RBM19: variants seen among roughly 807,000 people sequenced by gnomAD.
The protein encoded by RBM19 is probable RNA-binding protein 19.
A neutral mutation model predicts 116.8 loss-of-function variants in RBM19; 94 were observed. The ratio of observed to expected loss-of-function variants is 0.80; its 90% CI spans 0.68 to 0.95. RBM19 has a LOEUF of 0.95. RBM19 is among the 40% of genes least tolerant of loss of function. RBM19 has a pLI of 0.00. For missense variants in RBM19, 1,161 were observed against 1,220.7 expected, an observed-to-expected ratio of 0.95 and a Z score of 0.73; for synonymous variants, 475 against 494.1, an observed-to-expected ratio of 0.96 and a Z score of 0.51.
chr12:113,892,983 T>C (rs1217715141), intron 21 of RBM19, among the ~76,000 whole-genome samples: 1 of 152,076 alleles, frequency 6.6e-6, no homozygotes, highest in Non-Finnish European at 1.5e-5. Context: ...TCTATGCATA[T>C]ATGTCTATGC....
intron 23 of RBM19, among the ~76,000 whole-genome samples, chr12:113,842,175 T>C (rs1385077761): frequency 2.6e-5 from 4 of 152,224 alleles, no homozygotes; most frequent in Non-Finnish European, 5.9e-5. Context: ...CAGCTAAGTC[T>C]TTCCACTGTG....
intron 21 of RBM19, among the ~76,000 whole-genome samples, chr12:113,884,920 A>G (rs988649995): frequency 0.036 from 28 of 774 alleles, no homozygotes; most frequent in Non-Finnish European, 0.053. Flanking sequence ...CACACTGATA[A>G]AAAAATAAGA....
intron 16 of RBM19, among the ~76,000 whole-genome samples, chr12:113,934,141 T>C (rs1274218087): frequency 6.6e-6 from 1 of 152,034 alleles, no homozygotes; most frequent in Non-Finnish European, 1.5e-5. Context: ...TTTGTAGAAA[T>C]AGGGTTTTGC....
chr12:113,960,649 G>A (rs554194999), intron 2 of RBM19, among the ~76,000 whole-genome samples: 1 of 152,258 alleles, frequency 6.6e-6, no homozygotes, highest in South Asian at 2.1e-4. Context: ...TCTACCGGGC[G>A]GCTGTGAGGA....
At chr12:113,886,194 G>A (rs989683516) in intron 21 of RBM19, among the ~76,000 whole-genome samples, 3 of 152,112 alleles carry the variant, frequency 2.0e-5, no homozygotes, top group South Asian at 2.1e-4. Flanking sequence ...ATGCAGTGGC[G>A]TAACCACAGC....
At chr12:113,867,565 C>T (rs983342843) in intron 21 of RBM19, among the ~76,000 whole-genome samples, 1 of 152,180 alleles carries the variant, frequency 6.6e-6, no homozygotes, top group Non-Finnish European at 1.5e-5. Context: ...CAGTTTAAAA[C>T]TGATAAATAA....
intron 2 of RBM19, among the ~76,000 whole-genome samples, chr12:113,961,531 T>C (rs781525281): frequency 4.6e-5 from 7 of 152,364 alleles, no homozygotes; most frequent in East Asian, 1.9e-4. Context: ...TTATCATATA[T>C]GTATGGATAG....
intron 21 of RBM19, among the ~76,000 whole-genome samples, chr12:113,876,286 G>A (rs1378235235): frequency 6.6e-6 from 1 of 152,182 alleles, no homozygotes. Flanking sequence ...AAGTCTAGAG[G>A]CATAGCTGGG....
chr12:113,838,943 C>T (rs943066346), intron 23 of RBM19, among the ~76,000 whole-genome samples: 3 of 152,210 alleles, frequency 2.0e-5, no homozygotes, highest in African/African-American at 7.2e-5. Context: ...TCCCTGAGTG[C>T]GGCTCACAGG....
intron 23 of RBM19, among the ~76,000 whole-genome samples, chr12:113,829,909 G>A (rs975478187): frequency 2.0e-5 from 3 of 152,224 alleles, no homozygotes; most frequent in Admixed American, 6.5e-5. Flanking sequence ...GCCAAGGGGC[G>A]AGCTGCAGGG....
At chr12:113,940,483 G>A in intron 14 of RBM19, among the ~76,000 whole-genome samples, 1 of 152,212 alleles carries the variant, frequency 6.6e-6, no homozygotes, top group East Asian at 1.9e-4. Context: ...CAGTACCAAG[G>A]CTTTTTTTCC....
chr12:113,960,030 G>C, intron 3 of RBM19, 29 bp downstream of exon 3: 1 of 1,614,158 alleles, frequency 6.2e-7, no homozygotes, highest in Admixed American at 1.7e-5. Flanking sequence ...TGGCAGTGGG[G>C]ACAGAGGCTA....
intron 19 of RBM19, 65 bp downstream of exon 19, chr12:113,920,546 C>T: frequency 7.1e-7 from 1 of 1,404,840 alleles, no homozygotes; most frequent in Non-Finnish European, 1.0e-6. Context: ...TTTCAGAGGG[C>T]TGACGGGACC....
chr12:113,871,498 C>T (rs756301353), intron 21 of RBM19, among the ~76,000 whole-genome samples: 1 of 152,202 alleles, frequency 6.6e-6, no homozygotes, highest in Non-Finnish European at 1.5e-5. Flanking sequence ...TTTGCGACTA[C>T]TCTACTCTGC....
intron 13 of RBM19, among the ~76,000 whole-genome samples, chr12:113,945,421 A>G (rs996358098): frequency 2.0e-5 from 3 of 151,986 alleles, no homozygotes; most frequent in Admixed American, 2.0e-4. Context: ...GTGTCCTCCC[A>G]CCTCCACCTC....
At chr12:113,864,858 C>A (rs554226413) in intron 21 of RBM19, among the ~76,000 whole-genome samples, 2 of 152,236 alleles carry the variant, frequency 1.3e-5, no homozygotes, top group Admixed American at 1.3e-4. Context: ...GGTACTAGTG[C>A]CCCAAGTTTC....
chr12:113,934,869 C>T (rs1280714002), intron 16 of RBM19, among the ~76,000 whole-genome samples: 5 of 152,060 alleles, frequency 3.3e-5, no homozygotes, highest in Non-Finnish European at 5.9e-5. Context: ...AAATATGACC[C>T]GGCCTCATCT....
At chr12:113,900,215 T>A (rs943312174) in intron 21 of RBM19, among the ~76,000 whole-genome samples, 1 of 152,190 alleles carries the variant, frequency 6.6e-6, no homozygotes, top group African/African-American at 2.4e-5. Context: ...GGGTTAATTA[T>A]TTATTTTTTT....
chr12:113,965,030 G>A (rs1414421331), intron 1 of RBM19, among the ~76,000 whole-genome samples: 1 of 152,010 alleles, frequency 6.6e-6, no homozygotes, highest in Non-Finnish European at 1.5e-5. Flanking sequence ...CCAGCACTTT[G>A]GGAGGCCGAG....
Sources: gnomAD v4.1 joint callset for allele counts (sites outside exome capture counted in the v4.1 genomes callset) on GRCh38, gnomAD v4.1.1 for gene constraint, MANE v1.5 for transcripts, NCBI Gene and HGNC (gene_info 2026-07-23, HGNC 2026-07-21) for gene names.